PCDH19: variants seen among roughly 807,000 people sequenced by gnomAD.
PCDH19 encodes protocadherin-19.
PCDH19 carries 6 observed loss-of-function variants against 46.2 expected under a neutral mutation model. The observed-to-expected ratio is 0.13, with a 90% CI of 0.07 to 0.26. PCDH19 has a LOEUF of 0.26. Among genes scored for constraint, PCDH19 ranks in the 10% least tolerant of loss-of-function variants. The pLI is 1.00. For synonymous variants in PCDH19, 481 were observed against 415.7 expected (o/e 1.16, Z -1.91); for missense variants, 740 against 972.3 (o/e 0.76, Z 3.18).
intron 5 of PCDH19, among the ~76,000 whole-genome samples, chrX:100,328,320 A>C (rs1225663413): frequency 4.5e-5 from 5 of 111,983 alleles, no homozygotes; most frequent in Admixed American, 1.9e-4. Flanking sequence ...GGTGTAAAAA[A>C]TATTAAAGAG....
chrX:100,336,732 G>A (rs1884747284), intron 5 of PCDH19, among the ~76,000 whole-genome samples: 1 of 111,760 alleles, frequency 8.9e-6, no homozygotes, highest in African/African-American at 3.3e-5. Context: ...CAGTGTTGTA[G>A]CGAACTCCAA....
At position 100,333,112 on chromosome X, in the gene PCDH19, GGGAAGGAAGGAAGGAA is replaced by G. The variant is rs778212504; in HGVS notation, c.2848+8775_2848+8790del. Reference sequence around the variant, plus strand: ...AAGGAAAGAAGGAAGGAAGGAGGGAGGGAAGGAAGGAAGGAAGGAAGGAAGGAAGGAAGGAAGGAAG... The same window carrying G: ...AAGGAAAGAAGGAAGGAAGGAGGGAGGGAAGGAAGGAAGGAAGGAAGGAAG... On this transcript the variant is annotated intron_variant, in intron 5 of 5. Coordinates refer to ENST00000373034, the MANE Select transcript of PCDH19 (RefSeq NM_001184880.2). Among the ~76,000 whole-genome samples, 267 of 34,902 alleles carry G rather than the reference GGGAAGGAAGGAAGGAA, an allele frequency of 7.6e-3. 8 individuals are homozygous for G. The highest frequency in any genetic ancestry group is 0.02 in the African/African-American group (204 of 10,301). The allele number at this position is 34,902 out of a possible 115,157, so 30.3% of individuals were successfully genotyped here. A position where few individuals can be genotyped will look rare whatever the true frequency, so the allele number is the denominator to read the frequency against.
chrX:100,336,597 C>T (rs930784559), intron 5 of PCDH19, among the ~76,000 whole-genome samples: 1 of 111,896 alleles, frequency 8.9e-6, no homozygotes, highest in Non-Finnish European at 1.9e-5. Context: ...ATCTATACTT[C>T]CAGAAATAAA....
intron 3 of PCDH19, among the ~76,000 whole-genome samples, chrX:100,375,772 A>C (rs1270204722): frequency 2.7e-5 from 3 of 112,219 alleles, no homozygotes; most frequent in Non-Finnish European, 5.6e-5. Flanking sequence ...ATAACCATGG[A>C]CAAGAAAGTA....
At chrX:100,374,888 G>A (rs1234346223) in intron 3 of PCDH19, among the ~76,000 whole-genome samples, 2 of 110,532 alleles carry the variant, frequency 1.8e-5, no homozygotes, top group East Asian at 2.9e-4. Flanking sequence ...GCAGTGAGCC[G>A]AGATCATGCC....
chrX:100,363,513 T>G (rs1051601625), intron 3 of PCDH19, among the ~76,000 whole-genome samples: 1 of 106,386 alleles, frequency 9.4e-6, no homozygotes, highest in Non-Finnish European at 1.9e-5. Flanking sequence ...TAGTTTTCTT[T>G]CTGAGGTTTC....
chrX:100,359,781 A>G (rs1341809074), intron 3 of PCDH19, among the ~76,000 whole-genome samples: 2 of 97,711 alleles, frequency 2.0e-5, no homozygotes, highest in Non-Finnish European at 4.1e-5. Context: ...ATATATGTAC[A>G]CACATATAAG....
rs1422167083 is a variant in PCDH19, at chrX:100,296,503, G to C, written c.3221C>G (p.Ser1074Cys). 9.9e-6 allele frequency: 12 copies of C among 1,211,364 alleles called. No individual in the cohort carries two copies. Among genetic ancestry groups the C allele is most frequent in the African/African-American group, 5.2e-5 (3 of 57,731 alleles). ...AGACACGGAAGGCTTGGTGGGCAGA[G>C]AGCTCTTGAGGTGGAGGGGGGAGGT... Reference protein sequence around the residue: ...PVTSPLHLKSSLPTKPSVSYT... With the variant: ...PVTSPLHLKSCLPTKPSVSYT... The change falls in exon 6 of 6, where the codon TCT becomes TGT. Residue 1074 changes from serine (S) to cysteine (C), a missense_variant. Physicochemically the swap from Ser to Cys is moderately radical, Grantham distance 112. Coordinates refer to ENST00000373034, the MANE Select transcript of PCDH19 (RefSeq NM_001184880.2).
intron 3 of PCDH19, among the ~76,000 whole-genome samples, chrX:100,385,770 T>G (rs761209045): frequency 9.0e-6 from 1 of 111,047 alleles, no homozygotes; most frequent in Non-Finnish European, 1.9e-5. Context: ...AGCAGGCACC[T>G]GTACTCCCAG....
At chrX:100,332,716 C>G (rs1052149793) in intron 5 of PCDH19, among the ~76,000 whole-genome samples, 2 of 110,796 alleles carry the variant, frequency 1.8e-5, no homozygotes, top group Non-Finnish European at 3.8e-5. Flanking sequence ...TATGACAGGA[C>G]AGAAATAATG....
At chrX:100,323,609 G>A (rs1246760536) in intron 5 of PCDH19, among the ~76,000 whole-genome samples, 1 of 111,551 alleles carries the variant, frequency 9.0e-6, no homozygotes, top group African/African-American at 3.3e-5. Context: ...GAAATAAATT[G>A]ATCAGCGCTT....
intron 3 of PCDH19, among the ~76,000 whole-genome samples, chrX:100,379,348 C>CACA (rs1393835929): frequency 1.0e-3 from 1 of 997 alleles, no homozygotes; most frequent in African/African-American, 1.2e-3. Context: ...CACACACACA[C>CACA]ATTTCCTCCC....
chrX:100,379,797 A>G (rs1265951276), intron 3 of PCDH19, among the ~76,000 whole-genome samples: 1 of 111,914 alleles, frequency 8.9e-6, no homozygotes, highest in African/African-American at 3.3e-5. Context: ...TATTGCCTTG[A>G]CAGTACTCTG....
intron 5 of PCDH19, among the ~76,000 whole-genome samples, chrX:100,337,390 T>C (rs1009861300): frequency 2.7e-5 from 3 of 112,371 alleles, no homozygotes; most frequent in African/African-American, 9.7e-5. Flanking sequence ...AAATTGCCAT[T>C]CTACAATACA....
intron 5 of PCDH19, among the ~76,000 whole-genome samples, chrX:100,309,848 G>A (rs764726594): frequency 9.8e-5 from 11 of 112,420 alleles, no homozygotes; most frequent in Non-Finnish European, 1.9e-4. Flanking sequence ...CAGAAATTCT[G>A]CAAAGTTTAG....
chrX:100,358,928 T>A (rs1427131169), intron 3 of PCDH19, among the ~76,000 whole-genome samples: 1 of 112,312 alleles, frequency 8.9e-6, no homozygotes, highest in Non-Finnish European at 1.9e-5. Flanking sequence ...CATTTGCCAG[T>A]GGAACAAATT....
chrX:100,309,480 A>G (rs1322661407), intron 5 of PCDH19, among the ~76,000 whole-genome samples: 1 of 111,680 alleles, frequency 9.0e-6, no homozygotes, highest in South Asian at 3.8e-4. Flanking sequence ...AATCACCACT[A>G]AAGAACTTAT....
intron 4 of PCDH19, among the ~76,000 whole-genome samples, chrX:100,346,454 T>C (rs773220144): frequency 8.9e-6 from 1 of 111,910 alleles, no homozygotes; most frequent in Non-Finnish European, 1.9e-5. Flanking sequence ...TGGGAACCTG[T>C]TACAACTGGA....
At chrX:100,308,875 A>C (rs1453561361) in intron 5 of PCDH19, among the ~76,000 whole-genome samples, 2 of 111,500 alleles carry the variant, frequency 1.8e-5, no homozygotes, top group Non-Finnish European at 3.8e-5. Context: ...AAAATAATAA[A>C]TGTTGGCATG....
Sources: allele counts gnomAD v4.1 joint callset (sites outside exome capture counted in the v4.1 genomes callset), GRCh38; gene constraint gnomAD v4.1.1; transcripts MANE v1.5; gene names NCBI Gene and HGNC (gene_info 2026-07-23, HGNC 2026-07-21).